The following PCDH7 variants were observed in gnomAD, a reference collection of about 807,000 sequenced individuals.
PCDH7 encodes protocadherin 7, also known as protocadherin-7.
In PCDH7, 17 loss-of-function variants were observed where a neutral mutation model predicts 58.9. The ratio of observed to expected loss-of-function variants is 0.29; its 90% CI spans 0.20 to 0.43. The LOEUF is 0.43. PCDH7 is among the 20% of genes least tolerant of loss of function. The pLI, the probability that PCDH7 is intolerant of heterozygous loss-of-function variation, is 1.00. For synonymous variants in PCDH7, 664 were observed against 616.4 expected, an observed-to-expected ratio of 1.08 and a Z score of -1.14; for missense variants, 1,274 against 1,441.0, an observed-to-expected ratio of 0.88 and a Z score of 1.88.
At chr4:30,817,990 C>G (rs1727909147) in intron 1 of PCDH7, among the ~76,000 whole-genome samples, 1 of 152,138 alleles carries the variant, frequency 6.6e-6, no homozygotes, top group South Asian at 2.1e-4. Context: ...CTGCCACATT[C>G]TTCTCACTCA....
chr4:30,907,646 TTGG>T (rs774418611), intron 1 of PCDH7, among the ~76,000 whole-genome samples: 4 of 152,136 alleles, frequency 2.6e-5, no homozygotes, highest in Non-Finnish European at 5.9e-5. Context: ...TTTTACACTG[TTGG>T]TGGGGGTGTA....
At chr4:30,926,795 T>G (rs1183694914) in intron 2 of PCDH7, among the ~76,000 whole-genome samples, 2 of 152,168 alleles carry the variant, frequency 1.3e-5, no homozygotes, top group African/African-American at 2.4e-5. Flanking sequence ...CTACATTCTT[T>G]TCTCTTTTTT....
intron 1 of PCDH7, among the ~76,000 whole-genome samples, chr4:30,768,013 A>C (rs1015581257): frequency 6.6e-6 from 1 of 152,172 alleles, no homozygotes; most frequent in African/African-American, 2.4e-5. Context: ...GTCTGAAAAC[A>C]TTGTTTAATA....
chr4:31,016,005 A>G (rs1212957694), intron 3 of PCDH7, among the ~76,000 whole-genome samples: 1 of 152,220 alleles, frequency 6.6e-6, no homozygotes, highest in East Asian at 1.9e-4. Flanking sequence ...GACAGAAAAG[A>G]TGGGCCTGGA....
At chr4:31,035,937 A>G (rs944033015) in intron 3 of PCDH7, among the ~76,000 whole-genome samples, 14 of 152,210 alleles carry the variant, frequency 9.2e-5, no homozygotes, top group African/African-American at 3.4e-4. Context: ...CTAAATGTTC[A>G]TAAGACCTGT....
At chr4:31,003,069 C>T (rs1560568996) in intron 3 of PCDH7, among the ~76,000 whole-genome samples, 1 of 152,156 alleles carries the variant, frequency 6.6e-6, no homozygotes, top group African/African-American at 2.4e-5. Context: ...TGAAAAGGCA[C>T]AGTTAGTCTA....
intron 1 of PCDH7, among the ~76,000 whole-genome samples, chr4:30,873,557 C>A (rs899944842): frequency 6.7e-6 from 1 of 150,062 alleles, no homozygotes; most frequent in African/African-American, 2.5e-5. Context: ...CAATGATCAT[C>A]TAGCTAGTTT....
intron 1 of PCDH7, among the ~76,000 whole-genome samples, chr4:30,878,672 AC>A (rs1292981821): frequency 1.3e-5 from 2 of 151,882 alleles, no homozygotes; most frequent in African/African-American, 2.4e-5. Flanking sequence ...AACACGGCAA[AC>A]CCCCCGTCTC....
intron 1 of PCDH7, among the ~76,000 whole-genome samples, chr4:30,835,514 A>G (rs1730378261): frequency 6.6e-6 from 1 of 152,172 alleles, no homozygotes; most frequent in Admixed American, 6.5e-5. Flanking sequence ...ATTGTCTTCC[A>G]GGAAACCGGG....
intron 3 of PCDH7, among the ~76,000 whole-genome samples, chr4:30,951,547 G>T (rs374792167): frequency 1.3e-5 from 2 of 152,050 alleles, no homozygotes; most frequent in Non-Finnish European, 2.9e-5. Context: ...GTCTTCGCAC[G>T]GTTAGGTCCC....
intron 1 of PCDH7, among the ~76,000 whole-genome samples, chr4:30,767,764 C>T (rs564088301): frequency 2.0e-5 from 3 of 152,110 alleles, no homozygotes; most frequent in Non-Finnish European, 4.4e-5. Context: ...GTAGTGCCTA[C>T]CTTGCAATTT....
At chr4:30,754,785 A>G (rs562870574) in intron 1 of PCDH7, among the ~76,000 whole-genome samples, 3 of 152,040 alleles carry the variant, frequency 2.0e-5, no homozygotes, top group Non-Finnish European at 2.9e-5. Context: ...ACATTATCTA[A>G]TTACATAGCT....
chr4:30,760,251 A>G lies in PCDH7; in HGVS notation c.70+35655A>G, dbSNP rs375047460. 1.2e-3 allele frequency among the ~76,000 whole-genome samples: 181 copies of G among 152,280 alleles called. 1 individual carries two copies. The highest frequency in any genetic ancestry group is 0.01 in the Middle Eastern group (3 of 294). ...TAAGGAGGAAGAAGTAGAGAGGAGC[A>G]GGGGAAGGCAGTCTTGTGCTGCTCA... On this transcript the variant is annotated intron_variant, in intron 1 of 3. Transcript: ENST00000509759.
intron 1 of PCDH7, among the ~76,000 whole-genome samples, chr4:30,869,553 G>A (rs1308496255): frequency 6.6e-6 from 1 of 152,106 alleles, no homozygotes; most frequent in African/African-American, 2.4e-5. Flanking sequence ...CTGTTCTTGT[G>A]TTAGTTTGCT....
rs1713554578 is a variant in PCDH7, at chr4:30,721,566, C to G, written c.144C>G (p.Ile48Met). The change falls in exon 1 of 2, where the codon ATC (isoleucine) becomes ATG (methionine). Residue 48 changes from isoleucine to methionine, a missense_variant. Physicochemically the swap from Ile to Met is conservative, Grantham distance 10. Around this residue, in one of 3 missense-constraint regions of PCDH7, gnomAD observed 212 missense variants for 255.8 expected, o/e 0.83. Coordinates refer to ENST00000361762, the Ensembl canonical transcript of PCDH7. The surrounding 1 kb of genome is among the most constrained non-coding windows in gnomAD (Gnocchi z 6.7). ...AGGAGGGCCCCGCCGACGTCCGCATCGGCAACGTGGCTTCAGACCTGGGCA... is the reference window on the plus strand; with the variant it reads ...AGGAGGGCCCCGCCGACGTCCGCATGGGCAACGTGGCTTCAGACCTGGGCA... 1 of 1,606,626 alleles carries G rather than the reference C, an allele frequency of 6.2e-7. No individual in the cohort carries two copies. Among genetic ancestry groups the G allele is most frequent in the Non-Finnish European group, 8.5e-7 (1 of 1,179,872 alleles).
At chr4:30,857,611 A>C (rs949486043) in intron 1 of PCDH7, among the ~76,000 whole-genome samples, 1 of 152,068 alleles carries the variant, frequency 6.6e-6, no homozygotes, top group African/African-American at 2.4e-5. Context: ...CATTTTAGGG[A>C]TGAGAGAATT....
intron 1 of PCDH7, among the ~76,000 whole-genome samples, chr4:30,765,818 T>A (rs1257564485): frequency 6.6e-6 from 1 of 152,130 alleles, no homozygotes; most frequent in Non-Finnish European, 1.5e-5. Context: ...TTTGAGGCAA[T>A]AATGACTTTG....
chr4:31,016,823 G>GGT (rs896817240), intron 3 of PCDH7, among the ~76,000 whole-genome samples: 8 of 148,878 alleles, frequency 5.4e-5, no homozygotes, highest in Non-Finnish European at 1.0e-4. Flanking sequence ...GTGTGTGCTC[G>GGT]GTGTGTGTGT....
chr4:30,894,480 A>ATATATAT (rs1485550529), intron 1 of PCDH7, among the ~76,000 whole-genome samples: 1 of 55,260 alleles, frequency 1.8e-5, no homozygotes, highest in African/African-American at 7.1e-5. Flanking sequence ...AAAAAAAAAA[A>ATATATAT]AAAAAAAAAA....
Sources: gnomAD v4.1 joint callset for allele counts (sites outside exome capture counted in the v4.1 genomes callset) on GRCh38, gnomAD v4.1.1 for gene constraint, gnomAD v4.1.1 regional missense constraint, Gnocchi (gnomAD v3.1) non-coding constraint, MANE v1.5 for transcripts, NCBI Gene and HGNC (gene_info 2026-07-23, HGNC 2026-07-21) for gene names.